Variants in NSF observed in about 807,000 individuals in gnomAD.
NSF encodes vesicle-fusing ATPase.
In NSF, 14 loss-of-function variants were observed where a neutral mutation model predicts 50.3. That is an observed-to-expected ratio of 0.28 (90% CI 0.18 to 0.44). The LOEUF (loss-of-function observed/expected upper bound fraction) is 0.44. NSF is among the 20% of genes least tolerant of loss of function. The probability of loss-of-function intolerance (pLI) is 1.00; values close to 1 mark genes in which losing one functional copy is unlikely to be tolerated. For missense variants in NSF, 218 were observed against 504.3 expected, an observed-to-expected ratio of 0.43 and a Z score of 5.44; for synonymous variants, 109 against 175.7, an observed-to-expected ratio of 0.62 and a Z score of 3.00.
At chr17:46,724,186 A>G (rs572064648) in intron 15 of NSF, among the ~76,000 whole-genome samples, 61 of 152,272 alleles carry the variant, frequency 4.0e-4, no homozygotes, top group Middle Eastern at 3.4e-3. Context: ...TTCAAGTCTC[A>G]GGTTAAGTGT....
intron 13 of NSF, among the ~76,000 whole-genome samples, chr17:46,709,465 A>G (rs2146258366): frequency 6.6e-6 from 1 of 152,182 alleles, no homozygotes; most frequent in South Asian, 2.1e-4. Context: ...ATATAACTGG[A>G]AAAATTAAAG....
chr17:46,707,727 G>C (rs1368871007), intron 13 of NSF, among the ~76,000 whole-genome samples: 1 of 151,916 alleles, frequency 6.6e-6, no homozygotes. Context: ...CCTTTTTAAG[G>C]CTGGATAATA....
chr17:46,716,668 G>A (rs2058774086), intron 15 of NSF, among the ~76,000 whole-genome samples: 1 of 152,052 alleles, frequency 6.6e-6, no homozygotes, highest in Non-Finnish European at 1.5e-5. Context: ...TTTTGTTGTT[G>A]TAAGTGCAAA....
chr17:46,745,119 T>C (rs2059114912), intron 17 of NSF, among the ~76,000 whole-genome samples: 1 of 152,118 alleles, frequency 6.6e-6, no homozygotes, highest in Non-Finnish European at 1.5e-5. Flanking sequence ...ATTAGGAAGG[T>C]GGAGGTCCCC....
At chr17:46,666,151 A>G (rs1391870014) in intron 8 of NSF, among the ~76,000 whole-genome samples, 1 of 148,218 alleles carries the variant, frequency 6.7e-6, no homozygotes, top group African/African-American at 2.5e-5. Context: ...TTTGGAAAAT[A>G]AATATACTTA....
chr17:46,726,647 T>G lies in NSF; in HGVS notation c.1828+32T>G, dbSNP rs528822795. The G allele has an allele frequency of 1.9e-6, 3 of 1,574,884 alleles. No homozygotes were observed. In the Admixed American group the frequency reaches 5.0e-5, roughly 26 times the overall value. ...CCTAACTTCTGCTGTTGTATTATCT[T>G]TGCCACATTACAGCTAATATCTCAA... is the stretch of plus-strand genomic sequence containing the variant. On this transcript the variant is annotated intron_variant, in intron 16 of 20. Coordinates refer to ENST00000398238, the MANE Select transcript of NSF (RefSeq NM_006178.4).
At chr17:46,737,260 A>C (rs938950325) in intron 17 of NSF, among the ~76,000 whole-genome samples, 11 of 152,178 alleles carry the variant, frequency 7.2e-5, no homozygotes, top group Non-Finnish European at 7.3e-5. Context: ...CATGCTGCCC[A>C]CCAAGGAGTC....
intron 17 of NSF, among the ~76,000 whole-genome samples, chr17:46,739,908 C>G (rs1368895524): frequency 1.3e-5 from 2 of 152,086 alleles, no homozygotes; most frequent in African/African-American, 2.4e-5. Flanking sequence ...CCATATTGGC[C>G]AGACTGGTCT....
intron 1 of NSF, among the ~76,000 whole-genome samples, chr17:46,599,465 C>CT (rs1400790657): frequency 8.7e-6 from 1 of 115,582 alleles, no homozygotes; most frequent in Non-Finnish European, 1.7e-5. Context: ...TTCATGCACA[C>CT]TTTAAGAGAT....
intron 17 of NSF, among the ~76,000 whole-genome samples, chr17:46,729,325 T>C (rs2058925683): frequency 6.6e-6 from 1 of 152,150 alleles, no homozygotes; most frequent in African/African-American, 2.4e-5. Context: ...TCCTAAAAAT[T>C]TGTTTATGGG....
chr17:46,676,221 G>A (rs2058404601), intron 9 of NSF, among the ~76,000 whole-genome samples: 1 of 144,080 alleles, frequency 6.9e-6, no homozygotes, highest in Non-Finnish European at 1.5e-5. Context: ...ATCTCCTATG[G>A]GAATTCTTCT....
At chr17:46,735,829 C>T (rs1361773286) in intron 17 of NSF, among the ~76,000 whole-genome samples, 1 of 152,096 alleles carries the variant, frequency 6.6e-6, no homozygotes, top group Non-Finnish European at 1.5e-5. Flanking sequence ...CCTGTAATCC[C>T]AGCGACTCGG....
chr17:46,738,865 G>A (rs982796312), intron 17 of NSF, among the ~76,000 whole-genome samples: 1 of 152,274 alleles, frequency 6.6e-6, no homozygotes, highest in East Asian at 1.9e-4. Flanking sequence ...ACTTTGGGAG[G>A]CCAAGGCAGG....
At chr17:46,690,643 T>A (rs1272391527) in intron 9 of NSF, among the ~76,000 whole-genome samples, 7 of 109,228 alleles carry the variant, frequency 6.4e-5, no homozygotes, top group South Asian at 2.9e-4. Context: ...ATATATATAT[T>A]GTATAGGGAT....
At chr17:46,684,352 TTATC>T (rs1432558158) in intron 9 of NSF, among the ~76,000 whole-genome samples, 2 of 147,430 alleles carry the variant, frequency 1.4e-5, no homozygotes, top group Admixed American at 1.4e-4. Flanking sequence ...CACGTTTTCT[TTATC>T]TAGTCTATCG....
intron 1 of NSF, among the ~76,000 whole-genome samples, chr17:46,609,724 A>G (rs1331864207): frequency 2.7e-5 from 4 of 147,568 alleles, no homozygotes; most frequent in African/African-American, 7.6e-5. Flanking sequence ...AACAATTTAG[A>G]TAAGTATAGT....
intron 17 of NSF, among the ~76,000 whole-genome samples, chr17:46,740,333 T>A (rs1481585348): frequency 6.6e-6 from 1 of 152,154 alleles, no homozygotes; most frequent in Non-Finnish European, 1.5e-5. Context: ...TTTGAAACAT[T>A]GTGAACATAA....
At chr17:46,599,861 C>G (rs887782846) in intron 1 of NSF, among the ~76,000 whole-genome samples, 3 of 80,678 alleles carry the variant, frequency 3.7e-5, no homozygotes, top group Admixed American at 1.4e-4. Flanking sequence ...GAGTGAAACT[C>G]AGTCTCAAAA....
At chr17:46,707,224 T>C (rs1236541553) in intron 13 of NSF, among the ~76,000 whole-genome samples, 2 of 152,220 alleles carry the variant, frequency 1.3e-5, no homozygotes, top group Non-Finnish European at 2.9e-5. Context: ...ATTTTAGTTA[T>C]TAGAGAACTT....
Sources: allele counts gnomAD v4.1 joint callset (sites outside exome capture counted in the v4.1 genomes callset), GRCh38; gene constraint gnomAD v4.1.1; transcripts MANE v1.5; gene names NCBI Gene and HGNC (gene_info 2026-07-23, HGNC 2026-07-21).